The following PKHD1L1 variants were observed in gnomAD, a reference collection of about 807,000 sequenced individuals.
The protein encoded by PKHD1L1 is fibrocystin-L.
Under a neutral mutation model 462.9 loss-of-function variants are expected in PKHD1L1, and 434 were observed. That is an observed-to-expected ratio of 0.94 (90% CI 0.87 to 1.02). The LOEUF is 1.02. Among genes scored for constraint, PKHD1L1 ranks in the 50% least tolerant of loss-of-function variants. The probability of loss-of-function intolerance (pLI) is 0.00; values close to 1 mark genes in which losing one functional copy is unlikely to be tolerated. For synonymous variants in PKHD1L1, 1,781 were observed against 1,750.0 expected, an observed-to-expected ratio of 1.02 and a Z score of -0.44; for missense variants, 5,202 against 5,096.1, an observed-to-expected ratio of 1.02 and a Z score of -0.63.
chr8:109,508,569 T>C (rs1219391835), intron 70 of PKHD1L1, among the ~76,000 whole-genome samples: 1 of 151,528 alleles, frequency 6.6e-6, no homozygotes, highest in Non-Finnish European at 1.5e-5. Flanking sequence ...ACTTTATTGA[T>C]AAGGTGGTAT....
At chr8:109,367,324 A>G (rs1320529908) in intron 2 of PKHD1L1, among the ~76,000 whole-genome samples, 1 of 152,236 alleles carries the variant, frequency 6.6e-6, no homozygotes, top group Non-Finnish European at 1.5e-5. Flanking sequence ...ATTACACAAG[A>G]ACTACTTCTA....
At chr8:109,411,749 C>T (rs1012884958) in intron 19 of PKHD1L1, among the ~76,000 whole-genome samples, 15 of 152,176 alleles carry the variant, frequency 9.9e-5, no homozygotes, top group African/African-American at 3.6e-4. Context: ...ATTCCAACAG[C>T]TGCTATTTAT....
intron 2 of PKHD1L1, among the ~76,000 whole-genome samples, chr8:109,373,086 G>A (rs1388390296): frequency 6.6e-6 from 1 of 152,186 alleles, no homozygotes; most frequent in African/African-American, 2.4e-5. Flanking sequence ...AATGGTACCA[G>A]CTCCTCCTTG....
chr8:109,416,138 T>C (rs951933614), intron 21 of PKHD1L1, among the ~76,000 whole-genome samples: 3 of 152,094 alleles, frequency 2.0e-5, no homozygotes, highest in African/African-American at 7.2e-5. Flanking sequence ...GGAAAAACTT[T>C]AATAAGGGCG....
At chr8:109,488,286 T>C (rs1818658886) in intron 59 of PKHD1L1, among the ~76,000 whole-genome samples, 1 of 151,978 alleles carries the variant, frequency 6.6e-6, no homozygotes, top group African/African-American at 2.4e-5. Context: ...GTTTTTAGTA[T>C]CATTATGTGC....
In PKHD1L1 at chr8:109,533,820, T is replaced by C. The variant is rs923281510; in HGVS notation, c.*3730T>C. ...AATTCCAGTGGATTGAATTAAAACTTTAGGTAAGAAAAGACTAAGATGGTG... is the reference window on the plus strand; with the variant it reads ...AATTCCAGTGGATTGAATTAAAACTCTAGGTAAGAAAAGACTAAGATGGTG... On this transcript the variant is annotated 3_prime_UTR_variant, in exon 78 of 78. Coordinates refer to ENST00000378402, the MANE Select transcript of PKHD1L1 (RefSeq NM_177531.6). 3.9e-5 allele frequency among the ~76,000 whole-genome samples: 6 copies of C among 152,306 alleles called. No homozygotes were observed. The South Asian group carries it at 1.0e-3, about 26-fold the overall frequency.
At chr8:109,497,491 G>A (rs1198961392) in intron 65 of PKHD1L1, among the ~76,000 whole-genome samples, 2 of 147,966 alleles carry the variant, frequency 1.4e-5, no homozygotes, top group East Asian at 4.0e-4. Context: ...GGAGTGCAGT[G>A]GCACAATTTC....
intron 13 of PKHD1L1, among the ~76,000 whole-genome samples, chr8:109,400,560 T>C (rs1366011296): frequency 6.6e-6 from 1 of 151,926 alleles, no homozygotes; most frequent in East Asian, 1.9e-4. Context: ...CTGAAAATAT[T>C]TCATTATTCT....
chr8:109,475,618 C>A (rs1008246461), intron 51 of PKHD1L1, among the ~76,000 whole-genome samples: 1 of 151,628 alleles, frequency 6.6e-6, no homozygotes, highest in Non-Finnish European at 1.5e-5. Context: ...ATCAAACATA[C>A]CTGAGGTCAA....
intron 2 of PKHD1L1, among the ~76,000 whole-genome samples, chr8:109,377,071 C>T (rs1384973242): frequency 2.0e-5 from 3 of 152,176 alleles, no homozygotes; most frequent in African/African-American, 7.2e-5. Flanking sequence ...TTGTGGAACA[C>T]CGAAAATGCG....
intron 2 of PKHD1L1, among the ~76,000 whole-genome samples, chr8:109,375,593 C>G (rs953030840): frequency 1.3e-5 from 2 of 152,116 alleles, no homozygotes; most frequent in Non-Finnish European, 2.9e-5. Context: ...TTTAGAGTTT[C>G]CAGTTTTTCT....
At chr8:109,377,227 A>G (rs1214082494) in intron 2 of PKHD1L1, among the ~76,000 whole-genome samples, 1 of 151,070 alleles carries the variant, frequency 6.6e-6, no homozygotes, top group Non-Finnish European at 1.5e-5. Flanking sequence ...TAAGGTAAGT[A>G]ACAAATACTT....
chr8:109,440,857 G>C lies in PKHD1L1; in HGVS notation c.4099+5G>C, dbSNP rs1341793228. 5 of 1,611,180 alleles carry C rather than the reference G, an allele frequency of 3.1e-6. No individual in the cohort carries two copies. Among genetic ancestry groups the C allele is most frequent in the East Asian group, 2.2e-5 (1 of 44,794 alleles). Reference sequence around the variant, plus strand: ...CTGAGAATACCGTGCTGTTAGGTAAGAGCTTCATTCATAGGAAAGTGATTA... The same window carrying C: ...CTGAGAATACCGTGCTGTTAGGTAACAGCTTCATTCATAGGAAAGTGATTA... On this transcript the variant is annotated splice_donor_5th_base_variant and intron_variant, in intron 33 of 77. Coordinates refer to ENST00000378402, the MANE Select transcript of PKHD1L1 (RefSeq NM_177531.6).
rs1237676472 is a variant in PKHD1L1 at position 109,435,298 on chromosome 8, A to G, written c.3449A>G (p.Tyr1150Cys). 1.2e-6 allele frequency: 2 copies of G among 1,613,790 alleles called. No homozygotes were observed. Among genetic ancestry groups the G allele is most frequent in the South Asian group, 1.1e-5 (1 of 91,074 alleles). Residue 1150 changes from tyrosine (Y) to cysteine (C), a missense_variant, in exon 29 of 78, where the codon TAC becomes TGC. By Grantham distance (194) the Tyr-to-Cys change is radical. Coordinates refer to ENST00000378402, the MANE Select transcript of PKHD1L1 (RefSeq NM_177531.6). ...LAQNVGGEEF[Y>C]FVYQSQISHI... ...CAGAATGTAGGGGGTGAAGAGTTCT[A>G]CTTTGTTTATCAGAGTCAGATCTCA...
chr8:109,461,579 C>G (rs545403644), intron 47 of PKHD1L1, among the ~76,000 whole-genome samples, 193 bp from the exon 48 acceptor site: 1 of 152,086 alleles, frequency 6.6e-6, no homozygotes, highest in East Asian at 1.9e-4. Context: ...TTAGGGAATA[C>G]AAAGTTGAAC....
At chr8:109,426,258 A>G (rs1814743092) in intron 24 of PKHD1L1, among the ~76,000 whole-genome samples, 1 of 152,058 alleles carries the variant, frequency 6.6e-6, no homozygotes. Flanking sequence ...ATCAAAATCG[A>G]TTTTAAAAAT....
At chr8:109,368,626 A>T (rs574722835) in intron 2 of PKHD1L1, among the ~76,000 whole-genome samples, 31 of 152,326 alleles carry the variant, frequency 2.0e-4, no homozygotes, top group Middle Eastern at 3.4e-3. Context: ...TGAATGCTAC[A>T]ACTTTTAAGT....
At chr8:109,380,672 A>G (rs1459124157) in intron 2 of PKHD1L1, among the ~76,000 whole-genome samples, 1 of 152,110 alleles carries the variant, frequency 6.6e-6, no homozygotes. Flanking sequence ...GACATGCTAT[A>G]TTTTCCTTAG....
At chr8:109,363,890 T>C (rs543581043) in intron 1 of PKHD1L1, among the ~76,000 whole-genome samples, 13 of 152,288 alleles carry the variant, frequency 8.5e-5, no homozygotes, top group African/African-American at 2.9e-4. Flanking sequence ...CTCTCCTCTG[T>C]CTCTTGGTAC....
Sources: allele counts gnomAD v4.1 joint callset (sites outside exome capture counted in the v4.1 genomes callset), GRCh38; gene constraint gnomAD v4.1.1; transcripts MANE v1.5; gene names NCBI Gene and HGNC (gene_info 2026-07-23, HGNC 2026-07-21).